Variants in EDIL3 observed in about 807,000 individuals in gnomAD.
The protein encoded by EDIL3 is EGF like and discoidin domains 3.
Under a neutral mutation model 67.4 loss-of-function variants are expected in EDIL3, and 37 were observed. The ratio of observed to expected loss-of-function variants is 0.55; its 90% CI spans 0.42 to 0.72. The LOEUF (loss-of-function observed/expected upper bound fraction) is 0.72. Among genes scored for constraint, EDIL3 ranks in the 30% least tolerant of loss-of-function variants. The pLI, the probability that EDIL3 is intolerant of heterozygous loss-of-function variation, is 0.00. For missense variants in EDIL3, 527 were observed against 586.3 expected (o/e 0.90, Z 1.04); for synonymous variants, 195 against 196.3 (o/e 0.99, Z 0.05).
intron 9 of EDIL3, among the ~76,000 whole-genome samples, chr5:84,053,994 A>C (rs1746394574): frequency 6.6e-6 from 1 of 152,190 alleles, no homozygotes; most frequent in Non-Finnish European, 1.5e-5. Context: ...AGCCTGGCAG[A>C]GACACAACAA....
At chr5:83,958,990 A>G (rs867843316) in intron 10 of EDIL3, among the ~76,000 whole-genome samples, 2 of 151,378 alleles carry the variant, frequency 1.3e-5, no homozygotes, top group Middle Eastern at 3.4e-3. Flanking sequence ...CACAGGCTCA[A>G]TTACAAGAGA....
chr5:84,052,735 A>G (rs9687734), intron 9 of EDIL3, among the ~76,000 whole-genome samples: 2 of 152,188 alleles, frequency 1.3e-5, no homozygotes, highest in African/African-American at 4.8e-5. Context: ...ACGGTGAAGG[A>G]ATCAATTCAA....
intron 6 of EDIL3, among the ~76,000 whole-genome samples, chr5:84,101,677 G>C (rs1056321472): frequency 2.6e-5 from 4 of 151,872 alleles, no homozygotes; most frequent in Admixed American, 1.3e-4. Flanking sequence ...ATCAGTAATA[G>C]ATAGCCTACC....
intron 2 of EDIL3, among the ~76,000 whole-genome samples, chr5:84,239,797 C>T (rs1744761165): frequency 6.6e-6 from 1 of 152,166 alleles, no homozygotes; most frequent in Non-Finnish European, 1.5e-5. Context: ...CTTTCACTTT[C>T]TCTCTAGCAA....
At chr5:84,133,827 G>T (rs145530277) in intron 5 of EDIL3, among the ~76,000 whole-genome samples, 9 of 151,744 alleles carry the variant, frequency 5.9e-5, no homozygotes, top group African/African-American at 2.2e-4. Context: ...AACTAAAAAA[G>T]AATTGAGATC....
chr5:84,312,258 CGG>C, intron 1 of EDIL3, among the ~76,000 whole-genome samples: 1 of 145,690 alleles, frequency 6.9e-6, no homozygotes, highest in African/African-American at 2.6e-5. Context: ...ACCTCCCTCC[CGG>C]ACGGGGCAGC....
At chr5:84,153,549 A>G in intron 4 of EDIL3, among the ~76,000 whole-genome samples, 1 of 142,994 alleles carries the variant, frequency 7.0e-6, no homozygotes, top group Non-Finnish European at 1.5e-5. Flanking sequence ...CGAACTCCTG[A>G]CCTCCCAGGT....
At chr5:84,020,561 T>G (rs1000556808) in intron 9 of EDIL3, among the ~76,000 whole-genome samples, 1 of 151,902 alleles carries the variant, frequency 6.6e-6, no homozygotes, top group African/African-American at 2.4e-5. Context: ...TTTACTAGAT[T>G]AAAGTGGTCA....
chr5:84,190,547 A>ATGTGTGTGTGTGTGTGTG (rs1326799356), intron 3 of EDIL3, among the ~76,000 whole-genome samples: 1 of 62,236 alleles, frequency 1.6e-5, no homozygotes, highest in African/African-American at 5.4e-5. Flanking sequence ...ATATATATAT[A>ATGTGTGTGTGTGTGTGTG]TATATGTGTG....
intron 6 of EDIL3, among the ~76,000 whole-genome samples, chr5:84,075,018 C>T (rs1746823735): frequency 6.6e-6 from 1 of 152,134 alleles, no homozygotes; most frequent in African/African-American, 2.4e-5. Context: ...ACTATGCAGC[C>T]ATAAAAAATG....
At chr5:84,210,999 C>T (rs1387662485) in intron 3 of EDIL3, among the ~76,000 whole-genome samples, 1 of 152,162 alleles carries the variant, frequency 6.6e-6, no homozygotes, top group Non-Finnish European at 1.5e-5. Context: ...CTCCGCCACC[C>T]CGCCCCCCAA....
chr5:84,311,324 CTTTT>C (rs58965080), intron 1 of EDIL3, among the ~76,000 whole-genome samples: 2 of 105,542 alleles, frequency 1.9e-5, no homozygotes. Context: ...TTTTTTTTTT[CTTTT>C]TTTTTTTTTT....
At chr5:84,266,923 T>C (rs1200921792) in intron 1 of EDIL3, among the ~76,000 whole-genome samples, 1 of 152,230 alleles carries the variant, frequency 6.6e-6, no homozygotes, top group African/African-American at 2.4e-5. Context: ...CCAAAAATTA[T>C]ACTAAGTGTT....
At chr5:84,166,589 A>G (rs1200001755) in intron 4 of EDIL3, among the ~76,000 whole-genome samples, 1 of 152,200 alleles carries the variant, frequency 6.6e-6, no homozygotes, top group Non-Finnish European at 1.5e-5. Flanking sequence ...TGCTCTAGAA[A>G]AGATGCTTAC....
At chr5:84,330,946 C>G (rs191494080) in intron 1 of EDIL3, among the ~76,000 whole-genome samples, 109 of 152,322 alleles carry the variant, frequency 7.2e-4, no homozygotes, top group Non-Finnish European at 1.4e-3. Flanking sequence ...GACCTTACCT[C>G]TTGCATCAAT....
intron 9 of EDIL3, among the ~76,000 whole-genome samples, chr5:84,006,078 T>TTAATAATAATAA (rs142039045): frequency 0.021 from 2,871 of 139,814 alleles, 31 homozygotes; most frequent in Non-Finnish European, 0.026. Flanking sequence ...CACAATAGCA[T>TTAATAATAATAA]TAATAATAAT....
At chr5:84,000,737 A>G (rs1745317452) in intron 9 of EDIL3, among the ~76,000 whole-genome samples, 1 of 152,144 alleles carries the variant, frequency 6.6e-6, no homozygotes, top group Non-Finnish European at 1.5e-5. Context: ...ACAAGTCTTA[A>G]AAAACTGAAC....
intron 3 of EDIL3, among the ~76,000 whole-genome samples, chr5:84,203,225 C>T (rs930073781): frequency 2.6e-5 from 4 of 152,108 alleles, no homozygotes; most frequent in Admixed American, 6.6e-5. Flanking sequence ...AAAATTACTT[C>T]GTTTTTAATA....
intron 9 of EDIL3, among the ~76,000 whole-genome samples, chr5:84,049,793 G>A (rs1746293950): frequency 6.6e-6 from 1 of 152,058 alleles, no homozygotes; most frequent in African/African-American, 2.4e-5. Context: ...CTCTGTTTAG[G>A]GCTGCCTGAG....
Sources: allele counts gnomAD v4.1 joint callset (sites outside exome capture counted in the v4.1 genomes callset), GRCh38; gene constraint gnomAD v4.1.1; transcripts MANE v1.5; gene names NCBI Gene and HGNC (gene_info 2026-07-23, HGNC 2026-07-21).